The following OR6N1 variants were observed in gnomAD, a reference collection of about 807,000 sequenced individuals.
The protein encoded by OR6N1 is olfactory receptor family 6 subfamily N member 1.
For synonymous variants in OR6N1, 170 were observed against 150.7 expected (o/e 1.13, Z -0.94); for missense variants, 394 against 371.7 (o/e 1.06, Z -0.49).
the OR6N1 span, among the ~76,000 whole-genome samples, chr1:158,791,385 AT>A: frequency 6.7e-6 from 1 of 149,550 alleles, no homozygotes. Flanking sequence ...AATTCCATGT[AT>A]TTTTATAGTT....
At chr1:158,785,159 T>C in the OR6N1 span, among the ~76,000 whole-genome samples, 1 of 152,204 alleles carries the variant, frequency 6.6e-6, no homozygotes, top group African/African-American at 2.4e-5. Context: ...TTTTCCTCTT[T>C]CTCTACTTCT....
the OR6N1 span, among the ~76,000 whole-genome samples, chr1:158,790,980 A>G: frequency 6.6e-6 from 1 of 152,114 alleles, no homozygotes; most frequent in Non-Finnish European, 1.5e-5. Context: ...TCGTAAAGTG[A>G]TGCTGGATTT....
chr1:158,808,073 A>T, the OR6N1 span, among the ~76,000 whole-genome samples: 1 of 145,670 alleles, frequency 6.9e-6, no homozygotes, highest in Admixed American at 6.8e-5. Flanking sequence ...ATGACAAATT[A>T]GATCATTGAG....
intron 1 of OR6N1, among the ~76,000 whole-genome samples, chr1:158,768,030 C>T (rs561014421): frequency 2.6e-5 from 4 of 152,244 alleles, no homozygotes; most frequent in South Asian, 4.2e-4. Context: ...ACTTGATTCT[C>T]GGGGTACTAT....
the OR6N1 span, among the ~76,000 whole-genome samples, chr1:158,792,988 T>A: frequency 6.6e-6 from 1 of 152,174 alleles, no homozygotes; most frequent in Non-Finnish European, 1.5e-5. Flanking sequence ...TCTTCCTTTT[T>A]GTCTGATTGG....
the OR6N1 span, among the ~76,000 whole-genome samples, chr1:158,799,247 C>T: frequency 6.6e-6 from 1 of 152,192 alleles, no homozygotes; most frequent in Non-Finnish European, 1.5e-5. Context: ...GATTTGTTCA[C>T]CACGTTAGCC....
In OR6N1 at chr1:158,764,965, C is replaced by A. The variant is rs550599330; in HGVS notation, c.*779G>T. The A allele has an allele frequency of 1.3e-5, 2 of 151,878 alleles. No homozygotes were observed. Among genetic ancestry groups the A allele is most frequent in the African/African-American group, 4.8e-5 (2 of 41,426 alleles). 9.4% of individuals were successfully genotyped at this position (151,878 alleles called of 1,614,324 possible). ...TTCCTTCTGGCTGGTTTGCTCCTTT[C>A]CTTTGGAGAAAATACTTGGAAAGTA... On this transcript the variant is annotated 3_prime_UTR_variant, in exon 2 of 2. Coordinates refer to ENST00000641846, the MANE Select transcript of OR6N1 (RefSeq NM_001005185.2).
Position 158,768,535 on chromosome 1 carries a change from T to C in OR6N1, c.-18-1835A>G, listed in dbSNP as rs145777427. On this transcript the variant is annotated intron_variant, in intron 1 of 1. Transcript: ENST00000641846. ...CTCCCCTCTTACTGTAATTGACTCC[T>C]AACAGATCTCCCTACTTGCATTTGT... is the stretch of plus-strand genomic sequence containing the variant. Among the ~76,000 whole-genome samples, 29 of 152,318 alleles carry C rather than the reference T, an allele frequency of 1.9e-4. No individual in the cohort carries two copies. The East Asian group carries it at 5.6e-3, about 29-fold the overall frequency.
rs1864346 is a variant in OR6N1 at position 158,766,655 on chromosome 1, C to T, written c.28G>A (p.Ala10Thr). Reference sequence around the variant, plus strand: ...GGGAAGCCCAAGATGATGAATTCTGCTACCTGGCTCCAGTTCCCTGTGTCC... The same window carrying T: ...GGGAAGCCCAAGATGATGAATTCTGTTACCTGGCTCCAGTTCCCTGTGTCC... Reference protein sequence around the residue: MDTGNWSQVAEFIILGFPHL... With the variant: MDTGNWSQVTEFIILGFPHL... The change falls in exon 2 of 2, where the codon GCA becomes ACA. Residue 10 changes from alanine to threonine, a missense_variant. Transcript: ENST00000641846. 492,545 of 1,610,542 alleles carry T rather than the reference C, an allele frequency of 0.31. 79,110 individuals carry two copies. The highest frequency in any genetic ancestry group is 0.41 in the East Asian group (18,201 of 44,838).
the OR6N1 span, among the ~76,000 whole-genome samples, chr1:158,826,305 CA>C: frequency 1.3e-5 from 2 of 151,780 alleles, no homozygotes; most frequent in Non-Finnish European, 2.9e-5. Flanking sequence ...TTTTTATTAA[CA>C]GAAATTAATA....
upstream of OR6N1, chr1:158,777,162 A>G (rs1360417385): frequency 1.9e-6 from 3 of 1,614,130 alleles, no homozygotes; most frequent in Non-Finnish European, 2.5e-6. Context: ...GGATGACCTC[A>G]GAAATGGGAC....
the OR6N1 span, among the ~76,000 whole-genome samples, chr1:158,826,587 G>C: frequency 6.6e-6 from 1 of 152,128 alleles, no homozygotes; most frequent in East Asian, 1.9e-4. Context: ...CAAGTGAAAA[G>C]AAAATTTTAA....
chr1:158,832,109 AAT>A, the OR6N1 span, among the ~76,000 whole-genome samples: 215 of 152,280 alleles, frequency 1.4e-3, 1 homozygote, highest in Non-Finnish European at 2.5e-3. Context: ...TGTAAGAAGA[AAT>A]AATTCTCTTT....
chr1:158,821,271 A>T, the OR6N1 span, among the ~76,000 whole-genome samples: 2 of 152,260 alleles, frequency 1.3e-5, no homozygotes, highest in African/African-American at 4.8e-5. Flanking sequence ...ACCCCACCAG[A>T]GGGGTACATT....
At chr1:158,790,295 G>T in the OR6N1 span, among the ~76,000 whole-genome samples, 2 of 151,212 alleles carry the variant, frequency 1.3e-5, no homozygotes, top group East Asian at 3.9e-4. Context: ...TGTTCTTTTT[G>T]TTCAAAACTG....
the OR6N1 span, among the ~76,000 whole-genome samples, chr1:158,786,346 T>C: frequency 1.3e-5 from 2 of 152,110 alleles, no homozygotes; most frequent in Admixed American, 6.6e-5. Flanking sequence ...TAAAAAGTAA[T>C]AGAAGTTAGC....
the OR6N1 span, among the ~76,000 whole-genome samples, chr1:158,820,751 C>G: frequency 6.6e-6 from 1 of 152,200 alleles, no homozygotes; most frequent in Non-Finnish European, 1.5e-5. Context: ...GACAAAGCCA[C>G]TTCTGAAACT....
At chr1:158,789,193 C>G in the OR6N1 span, among the ~76,000 whole-genome samples, 1 of 152,120 alleles carries the variant, frequency 6.6e-6, no homozygotes, top group African/African-American at 2.4e-5. Flanking sequence ...TTTTTTATTG[C>G]TGAATAGTAT....
the OR6N1 span, among the ~76,000 whole-genome samples, chr1:158,789,672 A>G: frequency 6.6e-6 from 1 of 152,200 alleles, no homozygotes; most frequent in African/African-American, 2.4e-5. Context: ...TTGCCCATTT[A>G]AAAATTGGAT....
Sources: allele counts gnomAD v4.1 joint callset (sites outside exome capture counted in the v4.1 genomes callset), GRCh38; gene constraint gnomAD v4.1.1; transcripts MANE v1.5; gene names NCBI Gene and HGNC (gene_info 2026-07-23, HGNC 2026-07-21).